MPP7: variants seen among roughly 807,000 people sequenced by gnomAD.
MPP7 encodes MAGUK p55 subfamily member 7.
Under a neutral mutation model 76.5 loss-of-function variants are expected in MPP7, and 60 were observed. That is an observed-to-expected ratio of 0.78 (90% CI 0.64 to 0.97). MPP7 has a LOEUF of 0.97. MPP7 is among the 50% of genes least tolerant of loss of function. The pLI, the probability that MPP7 is intolerant of heterozygous loss-of-function variation, is 0.00. For synonymous variants in MPP7, 237 were observed against 244.5 expected, an observed-to-expected ratio of 0.97 and a Z score of 0.29; for missense variants, 641 against 694.0, an observed-to-expected ratio of 0.92 and a Z score of 0.86.
chr10:28,320,057 C>A (rs577497136), intron 2 of MPP7, among the ~76,000 whole-genome samples: 3 of 152,136 alleles, frequency 2.0e-5, no homozygotes, highest in Admixed American at 2.0e-4. Flanking sequence ...CCAAGGGAGG[C>A]CCATTACTTA....
intron 5 of MPP7, among the ~76,000 whole-genome samples, chr10:28,145,556 G>A (rs187930392): frequency 1.4e-3 from 212 of 152,270 alleles, no homozygotes; most frequent in African/African-American, 4.9e-3. Flanking sequence ...ATATGGAAAT[G>A]AGGTCAAAGC....
At chr10:28,302,600 G>A (rs912241039) in intron 1 of MPP7, among the ~76,000 whole-genome samples, 7 of 151,908 alleles carry the variant, frequency 4.6e-5, no homozygotes, top group Non-Finnish European at 8.8e-5. Flanking sequence ...CCGGAGTCCC[G>A]CGCGTCAACA....
intron 5 of MPP7, among the ~76,000 whole-genome samples, chr10:28,143,855 C>CTGTGTGTGTGTGTG (rs60960005): frequency 7.4e-6 from 1 of 134,448 alleles, no homozygotes; most frequent in African/African-American, 2.8e-5. Context: ...CAATCGTGTG[C>CTGTGTGTGTGTGTG]TGTGTGTGTG....
intron 11 of MPP7, among the ~76,000 whole-genome samples, chr10:28,113,881 C>T (rs1834580490): frequency 6.6e-6 from 1 of 152,092 alleles, no homozygotes; most frequent in African/African-American, 2.4e-5. Context: ...GGAGAGAGGT[C>T]GAGGGACATA....
At chr10:28,224,662 AT>A (rs1382903077) in intron 2 of MPP7, among the ~76,000 whole-genome samples, 1 of 152,182 alleles carries the variant, frequency 6.6e-6, no homozygotes, top group Non-Finnish European at 1.5e-5. Context: ...TTTAACGTAG[AT>A]TAATTTTATA....
At chr10:28,150,549 C>G (rs1835850498) in intron 3 of MPP7, among the ~76,000 whole-genome samples, 2 of 152,110 alleles carry the variant, frequency 1.3e-5, no homozygotes, top group Admixed American at 1.3e-4. Context: ...ACTATTTGTG[C>G]CTGGGTGCCA....
chr10:28,173,505 T>C (rs1407056571), intron 3 of MPP7, among the ~76,000 whole-genome samples: 2 of 152,240 alleles, frequency 1.3e-5, no homozygotes, highest in East Asian at 1.9e-4. Context: ...GGCATTTCTA[T>C]GTATCAGCTC....
At chr10:28,269,589 T>A (rs1037113521) in intron 1 of MPP7, among the ~76,000 whole-genome samples, 1 of 151,266 alleles carries the variant, frequency 6.6e-6, no homozygotes. Context: ...TGCAGTGGCA[T>A]GATCAAAGCT....
At position 28,150,072 on chromosome 10, in the gene MPP7, C is replaced by G. The variant is rs202241663; in HGVS notation, c.157-13G>C. On this transcript the variant is annotated splice_polypyrimidine_tract_variant and intron_variant, in intron 3 of 16. Coordinates refer to ENST00000683449, the MANE Select transcript of MPP7 (RefSeq NM_001318170.2). ...GTTTTTCATGAATCTGGAAGAAAAT[C>G]AAATGCATATAAGTTCACCTGCTAG... The G allele has an allele frequency of 6.9e-5, 110 of 1,599,062 alleles. No individual in the cohort carries two copies. The Admixed American group carries it at 1.5e-3, about 22-fold the overall frequency.
intron 3 of MPP7, among the ~76,000 whole-genome samples, chr10:28,157,333 A>G (rs1836100304): frequency 6.6e-6 from 1 of 152,222 alleles, no homozygotes; most frequent in African/African-American, 2.4e-5. Flanking sequence ...TTGGGAATCC[A>G]AAGACCCTCT....
chr10:28,119,038 A>C (rs1588798600), intron 11 of MPP7: 1 of 985,394 alleles, frequency 1.0e-6, no homozygotes, highest in East Asian at 1.1e-4. Flanking sequence ...GTGGGAAATA[A>C]AGAAAAGCTG....
intron 3 of MPP7, among the ~76,000 whole-genome samples, chr10:28,199,143 T>C (rs1014660799): frequency 3.3e-5 from 5 of 152,084 alleles, no homozygotes; most frequent in Admixed American, 2.6e-4. Context: ...ATGAGACTTA[T>C]TCACTACCAT....
chr10:28,255,177 T>A (rs1564736047), intron 1 of MPP7, among the ~76,000 whole-genome samples: 1 of 152,044 alleles, frequency 6.6e-6, no homozygotes, highest in African/African-American at 2.4e-5. Flanking sequence ...GTAATGGTGC[T>A]ATCTCAGCTC....
At chr10:28,281,693 T>A (rs1840677721) in intron 1 of MPP7, among the ~76,000 whole-genome samples, 1 of 152,108 alleles carries the variant, frequency 6.6e-6, no homozygotes, top group African/African-American at 2.4e-5. Context: ...TAATGTGTTA[T>A]CGGATTTAAT....
rs578089622 is a variant in MPP7, at chr10:28,331,105, T to C, written c.-205-1103A>G. On this transcript the variant is annotated intron_variant, in intron 1 of 11. Coordinates refer to the MPP7 transcript ENST00000441595. ...AATGAGGGCAGAGTCATATCTACTT[T>C]GTTCACTGTTTACCTAGCTTGGGAT... 2.6e-5 allele frequency among the ~76,000 whole-genome samples: 4 copies of C among 152,386 alleles called. No individual in the cohort carries two copies. In the South Asian group the frequency reaches 6.2e-4, roughly 24 times the overall value.
intron 2 of MPP7, among the ~76,000 whole-genome samples, chr10:28,327,231 T>TAAAAAAAAAAAAAAAAA (rs59442840): frequency 2.1e-5 from 2 of 95,752 alleles, no homozygotes; most frequent in Non-Finnish European, 4.5e-5. Flanking sequence ...GTCAAAGAAG[T>TAAAAAAAAAAAAAAAAA]AAAAAAAAAA....
chr10:28,165,800 A>C (rs1018353624), intron 3 of MPP7, among the ~76,000 whole-genome samples: 7 of 152,040 alleles, frequency 4.6e-5, no homozygotes, highest in Non-Finnish European at 8.8e-5. Context: ...TAAGGCAGGC[A>C]GATCACCTGA....
At chr10:28,125,113 G>C in intron 6 of MPP7, 22 bp from the exon 7 acceptor site, 2 of 1,596,680 alleles carry the variant, frequency 1.3e-6, no homozygotes, top group South Asian at 1.1e-5. Flanking sequence ...AAAACAAAAA[G>C]CATTTGTGGG....
intron 2 of MPP7, among the ~76,000 whole-genome samples, chr10:28,226,422 T>C (rs1838693251): frequency 6.6e-6 from 1 of 152,092 alleles, no homozygotes; most frequent in African/African-American, 2.4e-5. Context: ...AATTTTTGTA[T>C]TTTTGGTAGA....
Sources: gnomAD v4.1 joint callset for allele counts (sites outside exome capture counted in the v4.1 genomes callset) on GRCh38, gnomAD v4.1.1 for gene constraint, MANE v1.5 for transcripts, NCBI Gene and HGNC (gene_info 2026-07-23, HGNC 2026-07-21) for gene names.